MDGA2: variants seen among roughly 807,000 people sequenced by gnomAD.
The protein encoded by MDGA2 is MAM domain-containing glycosylphosphatidylinositol anchor protein 2.
A neutral mutation model predicts 117.8 loss-of-function variants in MDGA2; 40 were observed. That is an observed-to-expected ratio of 0.34 (90% confidence interval 0.26 to 0.44). The LOEUF (loss-of-function observed/expected upper bound fraction) is 0.44, where lower values mean the gene tolerates loss of function less well. Among genes scored for constraint, MDGA2 ranks in the 20% least tolerant of loss-of-function variants. The pLI, the probability that MDGA2 is intolerant of heterozygous loss-of-function variation, is 1.00. For missense variants in MDGA2, 1,123 were observed against 1,250.6 expected, an observed-to-expected ratio of 0.90 and a Z score of 1.54; for synonymous variants, 452 against 439.0, an observed-to-expected ratio of 1.03 and a Z score of -0.37.
At chr14:47,104,433 G>T (rs1245124156) in intron 5 of MDGA2, among the ~76,000 whole-genome samples, 2 of 122,604 alleles carry the variant, frequency 1.6e-5, no homozygotes, top group Admixed American at 1.6e-4. Context: ...CCCCCACTGA[G>T]CACCTTGTGA....
chr14:47,119,680 T>G (rs1389036423), intron 5 of MDGA2, among the ~76,000 whole-genome samples: 1 of 152,172 alleles, frequency 6.6e-6, no homozygotes, highest in African/African-American at 2.4e-5. Flanking sequence ...CAGGACTTTA[T>G]AAAGTATTCC....
At chr14:47,291,941 A>C (rs533293533) in intron 2 of MDGA2, among the ~76,000 whole-genome samples, 1 of 152,312 alleles carries the variant, frequency 6.6e-6, no homozygotes, top group South Asian at 2.1e-4. Flanking sequence ...ATTACTGTCT[A>C]TCCCACATAA....
intron 10 of MDGA2, among the ~76,000 whole-genome samples, chr14:46,914,080 A>G (rs1883810776): frequency 1.3e-5 from 2 of 152,268 alleles, no homozygotes; most frequent in South Asian, 4.1e-4. Flanking sequence ...ACTGTATAAA[A>G]TTGTGTATTA....
chr14:47,093,152 C>T (rs1301253261), intron 6 of MDGA2, among the ~76,000 whole-genome samples: 1 of 151,926 alleles, frequency 6.6e-6, no homozygotes, highest in Admixed American at 6.6e-5. Context: ...CCCTTTCTTA[C>T]TTCAGCTCTC....
At chr14:47,547,802 A>G (rs2138769984) in intron 1 of MDGA2, among the ~76,000 whole-genome samples, 1 of 152,330 alleles carries the variant, frequency 6.6e-6, no homozygotes, top group Admixed American at 6.5e-5. Flanking sequence ...AAATTCTGTA[A>G]AGCATCAATT....
At chr14:46,915,321 A>T (rs1414729172) in intron 10 of MDGA2, among the ~76,000 whole-genome samples, 2 of 152,170 alleles carry the variant, frequency 1.3e-5, no homozygotes, top group Non-Finnish European at 2.9e-5. Context: ...AAATGCTAGA[A>T]ATCTTCCCAA....
chr14:47,611,358 G>A (rs1251136476), intron 1 of MDGA2, among the ~76,000 whole-genome samples: 3 of 151,992 alleles, frequency 2.0e-5, no homozygotes, highest in African/African-American at 2.4e-5. Flanking sequence ...ATAAATAGCT[G>A]GGACTTAATT....
chr14:47,274,097 T>A (rs1243475169), intron 2 of MDGA2, among the ~76,000 whole-genome samples: 2 of 152,134 alleles, frequency 1.3e-5, no homozygotes, highest in Non-Finnish European at 1.5e-5. Flanking sequence ...CCTACCCATT[T>A]AGAGTTTTAC....
chr14:47,333,046 T>C (rs1254391553), intron 1 of MDGA2, among the ~76,000 whole-genome samples: 1 of 151,996 alleles, frequency 6.6e-6, no homozygotes, highest in Non-Finnish European at 1.5e-5. Flanking sequence ...TCCAGTCATC[T>C]GTTGATGGGC....
chr14:47,390,332 T>C (rs1891865462), intron 1 of MDGA2, among the ~76,000 whole-genome samples: 1 of 152,180 alleles, frequency 6.6e-6, no homozygotes, highest in Non-Finnish European at 1.5e-5. Flanking sequence ...GAAGTAACTT[T>C]TTGAAATGGA....
chr14:47,587,027 T>A (rs1896338134), intron 1 of MDGA2, among the ~76,000 whole-genome samples: 1 of 151,956 alleles, frequency 6.6e-6, no homozygotes, highest in Non-Finnish European at 1.5e-5. Flanking sequence ...GAATTTATGC[T>A]ATGTGCTCCT....
At chr14:47,147,600 G>A (rs142129862) in intron 3 of MDGA2, among the ~76,000 whole-genome samples, 111 of 152,294 alleles carry the variant, frequency 7.3e-4, no homozygotes, top group Middle Eastern at 3.4e-3. Context: ...TATTTCTAGA[G>A]AGAGCAATTT....
chr14:47,492,152 T>C (rs536323865), intron 1 of MDGA2, among the ~76,000 whole-genome samples: 25 of 152,250 alleles, frequency 1.6e-4, no homozygotes, highest in African/African-American at 5.8e-4. Context: ...ATGAACCCAA[T>C]TGTGCATTTG....
chr14:47,295,235 T>G (rs1029681819), intron 2 of MDGA2, among the ~76,000 whole-genome samples: 2 of 152,336 alleles, frequency 1.3e-5, no homozygotes, highest in Non-Finnish European at 1.5e-5. Flanking sequence ...CTTTGTTTTA[T>G]TTTTGAACGG....
intron 1 of MDGA2, among the ~76,000 whole-genome samples, chr14:47,613,082 T>C (rs968466505): frequency 5.3e-5 from 8 of 152,138 alleles, no homozygotes; most frequent in East Asian, 1.9e-4. Context: ...CACCAGCCAT[T>C]GTGATCATTG....
At chr14:47,003,746 T>A in intron 8 of MDGA2, among the ~76,000 whole-genome samples, 1 of 152,198 alleles carries the variant, frequency 6.6e-6, no homozygotes, top group South Asian at 2.1e-4. Flanking sequence ...TTTATCAGTA[T>A]CTTTCAAACA....
chr14:46,893,909 T>C (rs1339093790), intron 10 of MDGA2, among the ~76,000 whole-genome samples: 1 of 152,044 alleles, frequency 6.6e-6, no homozygotes, highest in African/African-American at 2.4e-5. Context: ...TAAATTTTTT[T>C]AGACTTCTAT....
intron 2 of MDGA2, among the ~76,000 whole-genome samples, chr14:47,268,129 A>G (rs1238785145): frequency 2.6e-5 from 4 of 150,946 alleles, no homozygotes; most frequent in Admixed American, 6.6e-5. Context: ...CTGGAGTGCA[A>G]TGGTGCCATC....
At chr14:47,558,874 GTT>G (rs1895739254) in intron 1 of MDGA2, among the ~76,000 whole-genome samples, 1 of 151,960 alleles carries the variant, frequency 6.6e-6, no homozygotes, top group African/African-American at 2.4e-5. Context: ...TATCATTCCT[GTT>G]TGATTTTTTT....
Sources: gnomAD v4.1 joint callset for allele counts (sites outside exome capture counted in the v4.1 genomes callset) on GRCh38, gnomAD v4.1.1 for gene constraint, MANE v1.5 for transcripts, NCBI Gene and HGNC (gene_info 2026-07-23, HGNC 2026-07-21) for gene names.